The following CCDC13 variants were observed in gnomAD, a reference collection of about 807,000 sequenced individuals.
CCDC13 encodes the protein coiled-coil domain containing 13, also known as coiled-coil domain-containing protein 13.
A neutral mutation model predicts 87.3 loss-of-function variants in CCDC13; 70 were observed. That is an observed-to-expected ratio of 0.80 (90% CI 0.66 to 0.98). The LOEUF (loss-of-function observed/expected upper bound fraction) is 0.98, where lower values mean the gene tolerates loss of function less well. Among genes scored for constraint, CCDC13 ranks in the 50% least tolerant of loss-of-function variants. The pLI is 0.00. For missense variants in CCDC13, 842 were observed against 892.0 expected, an observed-to-expected ratio of 0.94 and a Z score of 0.71; for synonymous variants, 317 against 360.3, an observed-to-expected ratio of 0.88 and a Z score of 1.36.
At chr3:42,705,465 C>T (rs1698155815), downstream of CCDC13, among the ~76,000 whole-genome samples, 1 of 152,208 alleles carries the variant, frequency 6.6e-6, no homozygotes. Flanking sequence ...AGCCAGGTCT[C>T]ACCTGTCAGT....
intron 13 of CCDC13, among the ~76,000 whole-genome samples, chr3:42,727,151 C>T (rs562980587): frequency 1.3e-5 from 2 of 152,274 alleles, no homozygotes; most frequent in South Asian, 4.2e-4. Flanking sequence ...GCAGGCAGAT[C>T]ACCTGAGGTC....
chr3:42,769,313 C>T (rs1405027707), intron 1 of CCDC13, among the ~76,000 whole-genome samples: 1 of 152,140 alleles, frequency 6.6e-6, no homozygotes, highest in Non-Finnish European at 1.5e-5. Context: ...TGGCTAGAAT[C>T]CAAAACATTG....
chr3:42,759,358 A>G (rs1260392118), intron 1 of CCDC13, among the ~76,000 whole-genome samples: 3 of 152,052 alleles, frequency 2.0e-5, no homozygotes, highest in Non-Finnish European at 2.9e-5. Context: ...TTTGACAAAT[A>G]TATTCACTTG....
intron 1 of CCDC13, among the ~76,000 whole-genome samples, chr3:42,767,750 G>A (rs1481625438): frequency 6.6e-6 from 1 of 152,030 alleles, no homozygotes; most frequent in Non-Finnish European, 1.5e-5. Context: ...GCGGGTGGGT[G>A]GATCACCTGA....
At chr3:42,739,485 TG>T in intron 9 of CCDC13, 148 bp downstream of exon 9, 1 of 823,768 alleles carries the variant, frequency 1.2e-6, no homozygotes, top group East Asian at 2.7e-5. Flanking sequence ...GGCAGGGCTT[TG>T]GTACTGGGGG....
At chr3:42,752,771 C>T (rs1699618770) in intron 3 of CCDC13, 54 bp from the exon 4 acceptor site, 3 of 1,599,190 alleles carry the variant, frequency 1.9e-6, no homozygotes, top group Non-Finnish European at 8.5e-7. Flanking sequence ...ACACATCAAA[C>T]TCATGCTCCA....
chr3:42,710,725 G>A (rs1479230810), intron 14 of CCDC13, among the ~76,000 whole-genome samples: 1 of 152,154 alleles, frequency 6.6e-6, no homozygotes, highest in Non-Finnish European at 1.5e-5. Context: ...GACTAGTCTT[G>A]TGTAAACCTG....
intron 13 of CCDC13, among the ~76,000 whole-genome samples, chr3:42,727,386 AAAATAAAT>A (rs924772865): frequency 6.6e-6 from 1 of 152,040 alleles, no homozygotes; most frequent in Non-Finnish European, 1.5e-5. Flanking sequence ...AAAGAAAAGA[AAAATAAAT>A]AAATAAATAA....
At chr3:42,717,175 C>T (rs1575273113) in intron 13 of CCDC13, among the ~76,000 whole-genome samples, 1 of 152,094 alleles carries the variant, frequency 6.6e-6, no homozygotes, top group African/African-American at 2.4e-5. Flanking sequence ...CATGTAATCC[C>T]GACACTTTGG....
In CCDC13 at chr3:42,709,034, C is replaced by G; in HGVS notation, c.2094G>C (p.Gln698His). The change falls in exon 16 of 16, where the codon CAG becomes CAC. Residue 698 changes from glutamine to histidine, a missense_variant. Physicochemically the swap from Gln to His is conservative, Grantham distance 24. Transcript: ENST00000310232. The part of the protein sequence containing the change: ...DFRMYHEILG[Q>H]VKSVFLQALR... ...GGGCCTGCAGGAAGACACTTTTCAC[C>G]TGGCCCAGGATCTCATGGTACATCC... is the stretch of plus-strand genomic sequence containing the variant. 1 of 1,614,052 alleles carries G rather than the reference C, an allele frequency of 6.2e-7. No individual in the cohort carries two copies. Among genetic ancestry groups the G allele is most frequent in the African/African-American group, 1.3e-5 (1 of 75,070 alleles).
intron 3 of CCDC13, 59 bp downstream of exon 3, chr3:42,757,007 G>T: frequency 3.3e-6 from 5 of 1,530,060 alleles, no homozygotes; most frequent in Non-Finnish European, 4.5e-6. Context: ...CCTGCTGTCT[G>T]CCCTATCTGA....
intron 13 of CCDC13, 110 bp from the exon 14 acceptor site, chr3:42,713,426 G>A: frequency 2.0e-6 from 2 of 1,008,088 alleles, no homozygotes; most frequent in Admixed American, 4.8e-5. Context: ...TGGTAGTGAT[G>A]GGACCTCTTC....
At chr3:42,716,790 C>T (rs556404903) in intron 13 of CCDC13, among the ~76,000 whole-genome samples, 82 of 152,284 alleles carry the variant, frequency 5.4e-4, no homozygotes, top group African/African-American at 1.9e-3. Context: ...CCTTAAAAAG[C>T]TAACCATAAA....
intron 1 of CCDC13, chr3:42,771,015 T>C (rs4683331): frequency 0.95 from 145,356 of 152,290 alleles, 69,748 homozygotes; most frequent in South Asian, 1. Context: ...CCCACAATTC[T>C]GGACTCAATA....
chr3:42,731,236 A>G (rs1173172399), intron 12 of CCDC13, among the ~76,000 whole-genome samples: 1 of 150,534 alleles, frequency 6.6e-6, no homozygotes, highest in Non-Finnish European at 1.5e-5. Context: ...TGAGACCCTG[A>G]GCTTACTTTT....
In CCDC13 at chr3:42,752,661, T is replaced by G. The variant is rs750732165; in HGVS notation, c.427A>C (p.Lys143Gln). ...VATKIVELSKKNRLLMAESEG... is the reference protein window; with the variant it reads ...VATKIVELSKQNRLLMAESEG... Reference sequence around the variant, plus strand: ...GATTCTGCCATCAACAGCCGGTTCTTTTTTGATAGCTCCACAATTTTGGTG... The same window carrying G: ...GATTCTGCCATCAACAGCCGGTTCTGTTTTGATAGCTCCACAATTTTGGTG... Residue 143 changes from lysine to glutamine, a missense_variant, in exon 4 of 16, where the codon AAG (lysine) becomes CAG (glutamine). Physicochemically the swap from Lys to Gln is moderately conservative, Grantham distance 53 (BLOSUM62 1). Coordinates refer to ENST00000310232, the MANE Select transcript of CCDC13 (RefSeq NM_144719.4). 1.9e-6 allele frequency: 3 copies of G among 1,614,234 alleles called. No homozygotes were observed. In the South Asian group the frequency reaches 3.3e-5, roughly 18 times the overall value.
chr3:42,767,307 C>T (rs572792718), intron 1 of CCDC13, among the ~76,000 whole-genome samples: 1 of 152,220 alleles, frequency 6.6e-6, no homozygotes, highest in African/African-American at 2.4e-5. Flanking sequence ...GTTAAAAATG[C>T]AATGCCATTT....
At chr3:42,709,227 G>T in intron 15 of CCDC13, 88 bp from the exon 16 acceptor site, 1 of 1,371,010 alleles carries the variant, frequency 7.3e-7, no homozygotes, top group Non-Finnish European at 9.8e-7. Context: ...GTGGTTGCCA[G>T]CATGGCTGCT....
At chr3:42,745,047 C>A (rs949220163) in intron 7 of CCDC13, 36 of 152,214 alleles carry the variant, frequency 2.4e-4, no homozygotes, top group African/African-American at 7.2e-4. Context: ...CAAGGCCATG[C>A]ACTATCATCT....
Sources: gnomAD v4.1 joint callset for allele counts (sites outside exome capture counted in the v4.1 genomes callset) on GRCh38, gnomAD v4.1.1 for gene constraint, MANE v1.5 for transcripts, NCBI Gene and HGNC (gene_info 2026-07-23, HGNC 2026-07-21) for gene names.